Variants in SCFD2 observed in about 807,000 individuals in gnomAD.
The protein encoded by SCFD2 is sec1 family domain containing 2.
In SCFD2, 54 loss-of-function variants were observed where a neutral mutation model predicts 58.9. That is an observed-to-expected ratio of 0.92 (90% CI 0.74 to 1.15). The LOEUF is 1.15. Ranked by LOEUF, SCFD2 falls within the 50% of genes most tolerant of loss-of-function variation. The pLI, the probability that SCFD2 is intolerant of heterozygous loss-of-function variation, is 0.00. For synonymous variants in SCFD2, 321 were observed against 335.9 expected, an observed-to-expected ratio of 0.96 and a Z score of 0.49; for missense variants, 805 against 836.6, an observed-to-expected ratio of 0.96 and a Z score of 0.47.
chr4:53,352,499 C>T (rs1734251524), intron 2 of SCFD2, 99 bp downstream of exon 2: 4 of 989,432 alleles, frequency 4.0e-6, no homozygotes, highest in Non-Finnish European at 4.3e-6. Context: ...TCAACCAGAC[C>T]AATTCTTCAT....
At chr4:53,102,654 T>A (rs1724862742) in intron 5 of SCFD2, among the ~76,000 whole-genome samples, 1 of 152,028 alleles carries the variant, frequency 6.6e-6, no homozygotes, top group Non-Finnish European at 1.5e-5. Flanking sequence ...AAAGGAAAAT[T>A]CATATTAAAA....
chr4:53,346,013 T>G (rs1299702694), intron 2 of SCFD2, among the ~76,000 whole-genome samples: 1 of 152,094 alleles, frequency 6.6e-6, no homozygotes, highest in South Asian at 2.1e-4. Context: ...GACGAGTTGA[T>G]GGGTGCAGCA....
intron 8 of SCFD2, among the ~76,000 whole-genome samples, chr4:52,874,679 C>T (rs1457419253): frequency 6.6e-6 from 1 of 152,234 alleles, no homozygotes; most frequent in Non-Finnish European, 1.5e-5. Context: ...ATGCCTTTCT[C>T]CTAGCTACCT....
chr4:53,313,890 AAGTATT>A (rs1168745733), intron 2 of SCFD2, 127 bp from the exon 3 acceptor site: 8 of 725,788 alleles, frequency 1.1e-5, no homozygotes, highest in Non-Finnish European at 1.6e-5. Flanking sequence ...GATAGACTCT[AAGTATT>A]AGGATTAAAT....
At chr4:53,291,805 G>A (rs1327564941) in intron 3 of SCFD2, among the ~76,000 whole-genome samples, 2 of 151,940 alleles carry the variant, frequency 1.3e-5, no homozygotes, top group African/African-American at 4.8e-5. Context: ...GAAAAGAATA[G>A]AGAACTCAGA....
intron 4 of SCFD2, among the ~76,000 whole-genome samples, chr4:53,187,328 A>G (rs1727767423): frequency 6.6e-6 from 1 of 152,232 alleles, no homozygotes; most frequent in African/African-American, 2.4e-5. Context: ...TTAAATTGGC[A>G]TATTTCTGAG....
At chr4:53,301,086 A>T (rs1247198384) in intron 3 of SCFD2, among the ~76,000 whole-genome samples, 2 of 152,186 alleles carry the variant, frequency 1.3e-5, no homozygotes. Flanking sequence ...AGAAGGCAAG[A>T]AATAACTAAG....
chr4:52,913,181 G>A (rs1425270001), intron 6 of SCFD2, among the ~76,000 whole-genome samples: 1 of 152,086 alleles, frequency 6.6e-6, no homozygotes, highest in Non-Finnish European at 1.5e-5. Flanking sequence ...AGGGACCCAG[G>A]TTCCTGCTAC....
At chr4:53,217,540 G>T (rs992056775) in intron 4 of SCFD2, among the ~76,000 whole-genome samples, 2 of 152,254 alleles carry the variant, frequency 1.3e-5, no homozygotes, top group African/African-American at 4.8e-5. Context: ...GTGTGTCTCT[G>T]CACGTGAGAT....
chr4:53,347,359 G>A lies in SCFD2; in HGVS notation c.1007+5239C>T, dbSNP rs116517435. Among the ~76,000 whole-genome samples the A allele has an allele frequency of 2.9e-3, 437 of 152,208 alleles. 1 individual carries two copies. Among genetic ancestry groups the A allele is most frequent in the African/African-American group, 1.0e-2 (414 of 41,526 alleles). The stretch of plus-strand genomic sequence containing the variant: ...ATTCAACAAATATCTCTTGAATGCC[G>A]GGAGTGCCTGGCAATGGGGACGCAG... On this transcript the variant is annotated intron_variant, in intron 2 of 8. Coordinates refer to ENST00000401642, the MANE Select transcript of SCFD2 (RefSeq NM_152540.4).
chr4:53,039,510 A>G (rs1025383149), intron 5 of SCFD2, among the ~76,000 whole-genome samples: 25 of 152,084 alleles, frequency 1.6e-4, no homozygotes, highest in Non-Finnish European at 2.8e-4. Flanking sequence ...AACACACTTT[A>G]AAGACAAATT....
At chr4:53,060,156 A>T (rs1416725545) in intron 5 of SCFD2, among the ~76,000 whole-genome samples, 1 of 152,158 alleles carries the variant, frequency 6.6e-6, no homozygotes, top group African/African-American at 2.4e-5. Flanking sequence ...GAATGAATAA[A>T]GGAGAGTCAG....
intron 5 of SCFD2, among the ~76,000 whole-genome samples, chr4:53,144,771 A>G (rs1349475455): frequency 2.0e-5 from 3 of 152,108 alleles, no homozygotes; most frequent in Non-Finnish European, 4.4e-5. Flanking sequence ...TCTAAGGAAT[A>G]TTAATTAGAC....
Position 52,920,780 on chromosome 4 carries a change from C to T in SCFD2, c.1652G>A (p.Arg551Gln), listed in dbSNP as rs755573839. ...FTSLRDIAGA[R>Q]SLLKQFKSVY... ...AGACTTAAACTGTTTCAGGAGACTC[C>T]GAGCTCCAGCAATATCCCGAAGTGA... The change falls in exon 6 of 9, where the codon CGG becomes CAG. Residue 551 changes from arginine (R) to glutamine (Q), a missense_variant. By Grantham distance (43) the Arg-to-Gln change is conservative. Transcript: ENST00000401642. 6.8e-6 allele frequency: 11 copies of T among 1,610,792 alleles called. No individual in the cohort carries two copies. Among genetic ancestry groups the T allele is most frequent in the Admixed American group, 3.3e-5 (2 of 59,848 alleles).
At chr4:52,881,694 G>A (rs183411992) in intron 8 of SCFD2, among the ~76,000 whole-genome samples, 3 of 152,310 alleles carry the variant, frequency 2.0e-5, no homozygotes, top group Admixed American at 6.5e-5. Flanking sequence ...AATAGCAATA[G>A]ATACAAAAGA....
intron 6 of SCFD2, among the ~76,000 whole-genome samples, chr4:52,911,590 A>C (rs546265741): frequency 2.0e-5 from 3 of 152,326 alleles, no homozygotes; most frequent in Admixed American, 2.0e-4. Flanking sequence ...CAGAAAAGTA[A>C]CAGCAAACAC....
intron 4 of SCFD2, among the ~76,000 whole-genome samples, chr4:53,175,538 C>T (rs1423366297): frequency 6.6e-6 from 1 of 152,106 alleles, no homozygotes; most frequent in African/African-American, 2.4e-5. Flanking sequence ...AATTGAAACT[C>T]CTAATTGAAA....
intron 4 of SCFD2, among the ~76,000 whole-genome samples, chr4:53,228,017 C>A (rs1344590291): frequency 2.0e-5 from 3 of 152,164 alleles, no homozygotes; most frequent in Non-Finnish European, 4.4e-5. Context: ...CCAGGCTCCA[C>A]CACTTATAAA....
At chr4:53,152,189 A>G (rs1241518506) in intron 4 of SCFD2, among the ~76,000 whole-genome samples, 1 of 151,764 alleles carries the variant, frequency 6.6e-6, no homozygotes, top group African/African-American at 2.4e-5. Context: ...CTATATAAAC[A>G]AAACACTTCA....
Sources: allele counts gnomAD v4.1 joint callset (sites outside exome capture counted in the v4.1 genomes callset), GRCh38; gene constraint gnomAD v4.1.1; transcripts MANE v1.5; gene names NCBI Gene and HGNC (gene_info 2026-07-23, HGNC 2026-07-21).